The following SCAND1 variants were observed in gnomAD, a reference collection of about 807,000 sequenced individuals.
The protein encoded by SCAND1 is SCAN domain-containing protein 1.
Under a neutral mutation model 3.4 loss-of-function variants are expected in SCAND1, and 3 were observed. The ratio of observed to expected loss-of-function variants is 0.87; its 90% CI spans 0.40 to 2.25. The LOEUF is 2.25. Among genes scored for constraint, SCAND1 ranks in the 30% most tolerant of loss-of-function variants. The pLI, the probability that SCAND1 is intolerant of heterozygous loss-of-function variation, is 0.05. For synonymous variants in SCAND1, 152 were observed against 120.5 expected, an observed-to-expected ratio of 1.26 and a Z score of -1.72; for missense variants, 303 against 258.8, an observed-to-expected ratio of 1.17 and a Z score of -1.17.
Position 35,953,883 on chromosome 20 carries a change from G to T in SCAND1, c.402C>A (p.Arg134=). The change falls in exon 2 of 2, where the codon CGC becomes CGA. Residue 134 remains arginine (R), a synonymous_variant. Transcript: ENST00000305978. ...TGCGGATGTCAGGCCGCAGCCACTG[G>T]CGGGACAGCTCCCGCAGCTGCCGGA... ...EAFRQLRELS[R]QWLRPDIRTK... is the part of the protein sequence containing the mutation. The T allele has an allele frequency of 6.3e-7, 1 of 1,577,074 alleles. No individual in the cohort carries two copies.
In SCAND1 at chr20:35,954,181, C is replaced by A. The variant is rs766829688; in HGVS notation, c.104G>T (p.Cys35Phe). Residue 35 changes from cysteine to phenylalanine, a missense_variant, in exon 2 of 2, where the codon TGT (cysteine) becomes TTT (phenylalanine). Cys to Phe is a radical substitution (Grantham distance 205, BLOSUM62 -2). Transcript: ENST00000305978. ...AGSSSAPERNCVGSSLPEASP... is the reference protein window; with the variant it reads ...AGSSSAPERNFVGSSLPEASP... Reference sequence around the variant, plus strand: ...GGCCTCTGGCAGCGAGGAGCCCACACAGTTACGCTCAGGGGCTGAGCTCGA... The same window carrying A: ...GGCCTCTGGCAGCGAGGAGCCCACAAAGTTACGCTCAGGGGCTGAGCTCGA... 2.2e-5 allele frequency: 36 copies of A among 1,610,476 alleles called. No homozygotes were observed. The highest frequency in any genetic ancestry group is 3.0e-5 in the Non-Finnish European group (35 of 1,179,386).
upstream of SCAND1, chr20:35,955,280 A>G (rs1401673289): frequency 1.3e-5 from 2 of 152,384 alleles, no homozygotes. Context: ...ACTGATGTAA[A>G]AATTATCTCA....
upstream of SCAND1, among the ~76,000 whole-genome samples, chr20:35,957,353 T>A (rs1227599582): frequency 1.3e-5 from 2 of 151,956 alleles, no homozygotes; most frequent in Non-Finnish European, 2.9e-5. Flanking sequence ...TTGGGAGGCA[T>A]AGGCAGGCGG....
chr20:35,954,140 CAG>C lies in SCAND1; in HGVS notation c.143_144del (p.Pro48ArgfsTer11). On this transcript the variant is annotated frameshift_variant, in exon 2 of 2. Transcript: ENST00000305978. LOFTEE classifies it low-confidence loss of function (END_TRUNC). The part of the protein sequence containing the change: ...SSLPEASPPA[P>X]EPSSPNAAVP... ...ACCGCGGCGTTGGGACTGGAAGGCTCAGGGGCAGGCGGTGAGGCCTCTGGCAG... is the reference window on the plus strand; with the variant it reads ...ACCGCGGCGTTGGGACTGGAAGGCTCGGGCAGGCGGTGAGGCCTCTGGCAG... 1 of 1,575,128 alleles carries C rather than the reference CAG, an allele frequency of 6.3e-7. No homozygotes were observed. Among genetic ancestry groups the C allele is most frequent in the Non-Finnish European group, 8.6e-7 (1 of 1,160,930 alleles).
In SCAND1 at chr20:35,954,428, CGA is replaced by C. The variant is rs1356282567; in HGVS notation, c.-56+18_-56+19del. On this transcript the variant is annotated intron_variant, in intron 1 of 1. Coordinates refer to ENST00000305978, the MANE Select transcript of SCAND1 (RefSeq NM_033630.3). ...TGAGGGAGTCGGACTCGGGACCGGC[CGA>C]GAGTGTGCGGAGCTTACCTGCACCA... 20 of 1,550,246 alleles carry C rather than the reference CGA, an allele frequency of 1.3e-5. No homozygotes were observed. The highest frequency in any genetic ancestry group is 2.7e-5 in the African/African-American group (2 of 73,062).
Position 35,953,856 on chromosome 20 carries a change from G to A in SCAND1, c.429C>T (p.Thr143=), listed in dbSNP as rs1308251647. 8 of 1,591,604 alleles carry A rather than the reference G, an allele frequency of 5.0e-6. No individual in the cohort carries two copies. Among genetic ancestry groups the A allele is most frequent in the Non-Finnish European group, 5.1e-6 (6 of 1,171,378 alleles). ...SRQWLRPDIR[T]KEQIVEMLVQ... is the part of the protein sequence containing the mutation. ...CCAGCATCTCCACGATCTGCTCCTT[G>A]GTGCGGATGTCAGGCCGCAGCCACT... is the stretch of plus-strand genomic sequence containing the variant. The change falls in exon 2 of 2, where the codon ACC becomes ACT. Residue 143 remains threonine (T), a synonymous_variant. Coordinates refer to ENST00000305978, the MANE Select transcript of SCAND1 (RefSeq NM_033630.3).
upstream of SCAND1, chr20:35,954,540 G>A (rs896916941): frequency 2.7e-6 from 4 of 1,508,852 alleles, no homozygotes; most frequent in African/African-American, 4.1e-5. Context: ...AGCCGCTTGC[G>A]GGCTCCCGGA....
chr20:35,954,564 AG>A, upstream of SCAND1: 1 of 1,471,028 alleles, frequency 6.8e-7, no homozygotes, highest in Non-Finnish European at 9.1e-7. Flanking sequence ...GGCGCCCTCT[AG>A]CGTTCTCGAG....
At chr20:35,956,022 CA>C (rs2056253409), upstream of SCAND1, among the ~76,000 whole-genome samples, 1 of 152,138 alleles carries the variant, frequency 6.6e-6, no homozygotes, top group Non-Finnish European at 1.5e-5. Flanking sequence ...TGCCGGGCCA[CA>C]AATAGGTTTT....
chr20:35,955,441 G>T (rs1032054610), upstream of SCAND1: 1 of 152,188 alleles, frequency 6.6e-6, no homozygotes, highest in African/African-American at 2.4e-5. Flanking sequence ...TTATATTTCT[G>T]TTGAGCAGCC....
upstream of SCAND1, among the ~76,000 whole-genome samples, chr20:35,955,531 A>T (rs2056247300): frequency 6.6e-6 from 1 of 152,236 alleles, no homozygotes; most frequent in South Asian, 2.1e-4. Context: ...TAGGAGGATT[A>T]AATAAATTAA....
chr20:35,954,675 G>T, upstream of SCAND1: 2 of 1,196,620 alleles, frequency 1.7e-6, no homozygotes, highest in South Asian at 3.1e-5. Flanking sequence ...AGTTCGAGGA[G>T]GAGTCGGAGG....
rs1359440167 is a variant in SCAND1, at chr20:35,953,961, G to A, written c.324C>T (p.Arg108=). ...AGSRLGPETF[R]QRFRQFRYQD... ...GGTAGCGGAACTGCCGGAAACGCTG[G>A]CGGAACGTCTCGGGACCGAGTCTAG... The change falls in exon 2 of 2, where the codon CGC becomes CGT. Residue 108 remains arginine, a synonymous_variant. Coordinates refer to ENST00000305978, the MANE Select transcript of SCAND1 (RefSeq NM_033630.3). 1.3e-6 allele frequency: 2 copies of A among 1,571,060 alleles called. No individual in the cohort carries two copies. Among genetic ancestry groups the A allele is most frequent in the African/African-American group, 2.7e-5 (2 of 73,808 alleles).
upstream of SCAND1, chr20:35,954,671 A>C: frequency 8.1e-7 from 1 of 1,229,390 alleles, no homozygotes; most frequent in Non-Finnish European, 1.1e-6. Flanking sequence ...CGCCAGTTCG[A>C]GGAGGAGTCG....
At chr20:35,957,502 G>A (rs1395679279), upstream of SCAND1, among the ~76,000 whole-genome samples, 1 of 152,072 alleles carries the variant, frequency 6.6e-6, no homozygotes, top group East Asian at 1.9e-4. Context: ...AAGATTGGCA[G>A]TATGTACACT....
chr20:35,956,010 C>T (rs113884946), upstream of SCAND1, among the ~76,000 whole-genome samples: 3 of 152,292 alleles, frequency 2.0e-5, no homozygotes, highest in East Asian at 1.9e-4. Context: ...CGTGAGCCAC[C>T]GTGCCGGGCC....
At position 35,954,350 on chromosome 20, in the gene SCAND1, G is replaced by T; in HGVS notation, c.-55-11C>A. On this transcript the variant is annotated splice_polypyrimidine_tract_variant and intron_variant, in intron 1 of 1. Coordinates refer to ENST00000305978, the MANE Select transcript of SCAND1 (RefSeq NM_033630.3). The stretch of plus-strand genomic sequence containing the variant: ...TGCTCAGCACTGCGTCTGCGCGGGG[G>T]TGGGGTGAGCAGGGAGACGTTTCCG... The T allele has an allele frequency of 6.2e-7, 1 of 1,606,470 alleles. No individual in the cohort carries two copies. Among genetic ancestry groups the T allele is most frequent in the Non-Finnish European group, 8.5e-7 (1 of 1,176,460 alleles).
rs1176455095 is a variant in SCAND1 at position 35,953,908 on chromosome 20, A to G, written c.377T>C (p.Phe126Ser). The G allele has an allele frequency of 1.3e-6, 2 of 1,554,494 alleles. No individual in the cohort carries two copies. Among genetic ancestry groups the G allele is most frequent in the East Asian group, 2.4e-5 (1 of 41,302 alleles). The change falls in exon 2 of 2, where the codon TTC becomes TCC. Residue 126 changes from phenylalanine (F) to serine (S), a missense_variant. Phe to Ser is a radical substitution (Grantham distance 155). Coordinates refer to ENST00000305978, the MANE Select transcript of SCAND1 (RefSeq NM_033630.3). ...GCGGGACAGCTCCCGCAGCTGCCGG[A>G]AAGCCTCCCGGGGACCCGCCGCATC... ...YQDAAGPREAFRQLRELSRQW... is the reference protein window; with the variant it reads ...YQDAAGPREASRQLRELSRQW...
upstream of SCAND1, among the ~76,000 whole-genome samples, chr20:35,958,156 A>G (rs1226431850): frequency 2.6e-5 from 4 of 152,112 alleles, no homozygotes; most frequent in Non-Finnish European, 5.9e-5. Flanking sequence ...TCATTGGCCA[A>G]GCATGGTGGC....
Sources: gnomAD v4.1 joint callset for allele counts (sites outside exome capture counted in the v4.1 genomes callset) on GRCh38, gnomAD v4.1.1 for gene constraint, MANE v1.5 for transcripts, NCBI Gene and HGNC (gene_info 2026-07-23, HGNC 2026-07-21) for gene names.